The following SEC24D variants were observed in gnomAD, a reference collection of about 807,000 sequenced individuals.
SEC24D encodes the protein SEC24 homolog D, COPII component.
In SEC24D, 69 loss-of-function variants were observed where a neutral mutation model predicts 116.9. That is an observed-to-expected ratio of 0.59 (90% CI 0.49 to 0.72). SEC24D has a LOEUF of 0.72. Ranked by LOEUF, SEC24D falls within the 30% of genes least tolerant of loss-of-function variation. The probability of loss-of-function intolerance (pLI) is 0.00; values close to 1 mark genes in which losing one functional copy is unlikely to be tolerated. For synonymous variants in SEC24D, 405 were observed against 442.8 expected (o/e 0.91, Z 1.07); for missense variants, 1,131 against 1,264.1 (o/e 0.89, Z 1.60).
At position 118,815,615 on chromosome 4, in the gene SEC24D, A is replaced by G. The variant is rs1305632023; in HGVS notation, c.509T>C (p.Val170Ala). The stretch of plus-strand genomic sequence containing the variant: ...GAGTGTGGTGGGTGGTGGTGGAAGA[A>G]CTTGAGATCCAGGCTGCAAAATGGA... ...QPSILQPGSQ[V>A]LPPPPTTLNG... The change falls in exon 5 of 23, where the codon GTT becomes GCT. Residue 170 changes from valine to alanine, a missense_variant. Transcript: ENST00000280551. 3 of 1,614,058 alleles carry G rather than the reference A, an allele frequency of 1.9e-6. No homozygotes were observed. In the African/African-American group the frequency reaches 4.0e-5, roughly 22 times the overall value.
Position 118,728,680 on chromosome 4 carries a change from A to G in SEC24D, c.2869-30T>C, listed in dbSNP as rs371386613. On this transcript the variant is annotated intron_variant, in intron 21 of 22. Transcript: ENST00000280551. The stretch of plus-strand genomic sequence containing the variant: ...GATTTAAGAAAATCAAAGTTTTAGT[A>G]CAGTTTATAACATTTAGATAGAAGT... The G allele has an allele frequency of 3.2e-6, 4 of 1,253,114 alleles. No homozygotes were observed. The African/African-American group carries it at 6.0e-5, about 19-fold the overall frequency. 77.6% of individuals were successfully genotyped at this position (1,253,114 alleles called of 1,614,324 possible).
At chr4:118,816,750 T>C (rs115086977) in intron 4 of SEC24D, 1 of 454,090 alleles carries the variant, frequency 2.2e-6, no homozygotes. Context: ...TCACAGGATA[T>C]ACAGCATTTC....
chr4:118,770,590 A>G (rs983712349), intron 8 of SEC24D, among the ~76,000 whole-genome samples: 3 of 152,206 alleles, frequency 2.0e-5, no homozygotes, highest in Non-Finnish European at 4.4e-5. Context: ...TTATTTTCAA[A>G]AAGTCCAAAG....
chr4:118,726,290 C>G (rs552611400), intron 22 of SEC24D, among the ~76,000 whole-genome samples: 1 of 152,136 alleles, frequency 6.6e-6, no homozygotes, highest in African/African-American at 2.4e-5. Flanking sequence ...GAAGAGAAGC[C>G]TATGAAAAAG....
intron 10 of SEC24D, chr4:118,760,322 T>G (rs1372197102): frequency 1.3e-5 from 2 of 152,254 alleles, no homozygotes; most frequent in African/African-American, 2.4e-5. Flanking sequence ...CAACCTCTGT[T>G]TCCTCTCTCC....
At chr4:118,757,578 A>G in intron 11 of SEC24D, 143 bp downstream of exon 11, 2 of 650,130 alleles carry the variant, frequency 3.1e-6, no homozygotes, top group Non-Finnish European at 5.2e-6. Context: ...GACTCAAAAC[A>G]ATGATGCTGT....
intron 11 of SEC24D, among the ~76,000 whole-genome samples, chr4:118,755,177 GT>G (rs1727026101): frequency 6.6e-6 from 1 of 151,980 alleles, no homozygotes; most frequent in Admixed American, 6.6e-5. Context: ...TTCTTCAACG[GT>G]GTAACTGCCT....
intron 1 of SEC24D, among the ~76,000 whole-genome samples, chr4:118,834,806 TTC>T (rs1427256650): frequency 2.6e-5 from 4 of 152,222 alleles, no homozygotes; most frequent in Admixed American, 2.6e-4. Context: ...CTTCCTTTTG[TTC>T]TTTTATTTGC....
chr4:118,731,502 C>T lies in SEC24D; in HGVS notation c.2682G>A (p.Thr894=), dbSNP rs780777400. The T allele has an allele frequency of 1.6e-5, 26 of 1,613,828 alleles. No individual in the cohort carries two copies. Among genetic ancestry groups the T allele is most frequent in the Admixed American group, 5.0e-5 (3 of 59,994 alleles). The change falls in exon 21 of 23, where the codon ACG becomes ACA. Residue 894 remains threonine (T), a synonymous_variant. Transcript: ENST00000280551. ...GTAACATTGTACTCTTGACATCTAA[C>T]GTGTGCTGGGCAGGCACAGACAAAA... is the stretch of plus-strand genomic sequence containing the variant. ...FFYPQLLPIH[T]LDVKSTMLPA... is the part of the protein sequence containing the mutation.
chr4:118,732,923 C>A lies in SEC24D; in HGVS notation c.2497-11G>T, dbSNP rs1725768090. ...ATCTGGTAGAATAAGCTGAAAAAGA[C>A]AATTTTTTGTTTCATACGCTTGATC... is the stretch of plus-strand genomic sequence containing the variant. On this transcript the variant is annotated splice_polypyrimidine_tract_variant and intron_variant, in intron 19 of 22. Coordinates refer to ENST00000280551, the MANE Select transcript of SEC24D (RefSeq NM_014822.4). The A allele has an allele frequency of 6.2e-7, 1 of 1,610,882 alleles. No homozygotes were observed. Among genetic ancestry groups the A allele is most frequent in the African/African-American group, 1.3e-5 (1 of 74,954 alleles).
At chr4:118,823,386 G>A (rs1730476756) in intron 3 of SEC24D, among the ~76,000 whole-genome samples, 2 of 152,170 alleles carry the variant, frequency 1.3e-5, no homozygotes, top group African/African-American at 2.4e-5. Flanking sequence ...ATCCCAGAGG[G>A]AGTTTTCCTA....
At chr4:118,797,539 G>T in intron 8 of SEC24D, 144 bp downstream of exon 8, 1 of 655,534 alleles carries the variant, frequency 1.5e-6, no homozygotes, top group African/African-American at 1.8e-5. Context: ...TTTTCCTGAT[G>T]AATTCAATTA....
At chr4:118,775,747 G>C (rs1728104571) in intron 8 of SEC24D, among the ~76,000 whole-genome samples, 2 of 152,184 alleles carry the variant, frequency 1.3e-5, no homozygotes, top group South Asian at 4.1e-4. Flanking sequence ...TGATATCCTT[G>C]GGAAAATAGT....
chr4:118,791,475 ATAAT>A (rs1005697883), intron 8 of SEC24D, among the ~76,000 whole-genome samples: 27 of 152,274 alleles, frequency 1.8e-4, no homozygotes, highest in African/African-American at 6.0e-4. Context: ...GGTTAATGTG[ATAAT>A]TAAGTAAATA....
In SEC24D at chr4:118,815,044, T is replaced by A. The variant is rs1366363767; in HGVS notation, c.785A>T (p.Asp262Val). The A allele has an allele frequency of 3.7e-6, 6 of 1,613,988 alleles. No individual in the cohort carries two copies. The highest frequency in any genetic ancestry group is 5.1e-6 in the Non-Finnish European group (6 of 1,180,006). Reference protein sequence around the residue: ...PPQPQKKLDPDSIPSPIQVIE... With the variant: ...PPQPQKKLDPVSIPSPIQVIE... ...AGTACTTACTGGGCTAGGGATAGAG[T>A]CAGGATCCAGCTTCTTCTGGGGCTG... is the stretch of plus-strand genomic sequence containing the variant. The change falls in exon 6 of 23, where the codon GAC becomes GTC. Residue 262 changes from aspartate (D) to valine (V), a missense_variant. Asp to Val is a radical substitution (Grantham distance 152). Coordinates refer to ENST00000280551, the MANE Select transcript of SEC24D (RefSeq NM_014822.4).
At chr4:118,768,078 C>A in intron 9 of SEC24D, 95 bp downstream of exon 9, 1 of 1,054,270 alleles carries the variant, frequency 9.5e-7, no homozygotes. Flanking sequence ...TGCTATATAG[C>A]AGAAAAAAGA....
chr4:118,743,959 AC>A, intron 15 of SEC24D, 28 bp downstream of exon 15: 1 of 1,579,400 alleles, frequency 6.3e-7, no homozygotes, highest in African/African-American at 1.4e-5. Context: ...GGAGTAGAAG[AC>A]CAAGGTGAAC....
intron 8 of SEC24D, among the ~76,000 whole-genome samples, chr4:118,791,361 C>G (rs1728886958): frequency 6.6e-6 from 1 of 152,196 alleles, no homozygotes; most frequent in Non-Finnish European, 1.5e-5. Flanking sequence ...ACACCAGAGT[C>G]TCTGTGGTTT....
intron 1 of SEC24D, 82 bp downstream of exon 1, chr4:118,835,859 C>T (rs964997275): frequency 6.5e-6 from 1 of 153,294 alleles, no homozygotes; most frequent in African/African-American, 2.4e-5. Flanking sequence ...CGCCGCGTCC[C>T]CGGGCCGGGC....
Sources: gnomAD v4.1 joint callset for allele counts (sites outside exome capture counted in the v4.1 genomes callset) on GRCh38, gnomAD v4.1.1 for gene constraint, MANE v1.5 for transcripts, NCBI Gene and HGNC (gene_info 2026-07-23, HGNC 2026-07-21) for gene names.